The following CERS6 variants were observed in gnomAD, a reference collection of about 807,000 sequenced individuals.
CERS6 encodes the protein LAG1 homolog, ceramide synthase 6.
CERS6 carries 26 observed loss-of-function variants against 56.8 expected under a neutral mutation model. The ratio of observed to expected loss-of-function variants is 0.46; its 90% confidence interval spans 0.34 to 0.63. CERS6 has a LOEUF of 0.63. Among genes scored for constraint, CERS6 ranks in the 30% least tolerant of loss-of-function variants. CERS6 has a pLI of 0.01. For missense variants in CERS6, 415 were observed against 467.5 expected (o/e 0.89, Z 1.04); for synonymous variants, 164 against 173.3 (o/e 0.95, Z 0.42).
chr2:168,555,458 G>A (rs1468461412), intron 2 of CERS6, among the ~76,000 whole-genome samples: 1 of 151,930 alleles, frequency 6.6e-6, no homozygotes, highest in East Asian at 1.9e-4. Flanking sequence ...TAAGCAGAAG[G>A]AAGAAAGTAG....
At chr2:168,475,692 A>G (rs769877938) in intron 1 of CERS6, among the ~76,000 whole-genome samples, 1 of 152,220 alleles carries the variant, frequency 6.6e-6, no homozygotes, top group Non-Finnish European at 1.5e-5. Context: ...TACTAGAAGT[A>G]GCTAGTTTCT....
In CERS6 at chr2:168,468,759, T is replaced by C. The variant is rs560638154; in HGVS notation, c.170+12141T>C. Among the ~76,000 whole-genome samples, 3 of 152,306 alleles carry C rather than the reference T, an allele frequency of 2.0e-5. No individual in the cohort carries two copies. The South Asian group carries it at 6.2e-4, about 32-fold the overall frequency. On this transcript the variant is annotated intron_variant, in intron 1 of 9. Transcript: ENST00000305747. ...TTAGGGCTGTCTGTGTACAGAGTTT[T>C]ACTTTCCCTATTCTCTTTTCCCTTC...
Position 168,531,473 on chromosome 2 carries a change from G to T in CERS6, c.171-16123G>T, listed in dbSNP as rs541730112. Among the ~76,000 whole-genome samples the T allele has an allele frequency of 7.2e-5, 11 of 152,228 alleles. No homozygotes were observed. The South Asian group carries it at 2.3e-3, about 32-fold the overall frequency. On this transcript the variant is annotated intron_variant, in intron 1 of 9. Coordinates refer to ENST00000305747, the MANE Select transcript of CERS6 (RefSeq NM_203463.3). ...GACATAGTAAGCTGGAAGTTTTCTGGCTCTTTCACAAATCTGTGCATCTTA... is the reference window on the plus strand; with the variant it reads ...GACATAGTAAGCTGGAAGTTTTCTGTCTCTTTCACAAATCTGTGCATCTTA...
chr2:168,519,244 T>C (rs1322116973), intron 1 of CERS6, among the ~76,000 whole-genome samples: 1 of 152,224 alleles, frequency 6.6e-6, no homozygotes, highest in Non-Finnish European at 1.5e-5. Context: ...ATATCATAAA[T>C]TATATTGGTT....
intron 4 of CERS6, among the ~76,000 whole-genome samples, chr2:168,661,058 G>A (rs1200864446): frequency 6.6e-6 from 1 of 152,070 alleles, no homozygotes; most frequent in African/African-American, 2.4e-5. Flanking sequence ...AGGCGGGAGG[G>A]GGTGGGGCAG....
chr2:168,746,022 A>G (rs770484967), intron 8 of CERS6, among the ~76,000 whole-genome samples: 8 of 152,216 alleles, frequency 5.3e-5, no homozygotes, highest in Non-Finnish European at 1.0e-4. Flanking sequence ...ATGTAAACCC[A>G]GAAAGAGGGG....
chr2:168,508,378 G>A (rs1011323160), intron 1 of CERS6, among the ~76,000 whole-genome samples: 19 of 152,128 alleles, frequency 1.2e-4, no homozygotes, highest in African/African-American at 4.3e-4. Flanking sequence ...GCATCCTCAG[G>A]CCAACATATT....
chr2:168,553,131 A>G (rs1695607977), intron 2 of CERS6, among the ~76,000 whole-genome samples: 1 of 152,140 alleles, frequency 6.6e-6, no homozygotes, highest in Non-Finnish European at 1.5e-5. Context: ...GGCAGGAAAC[A>G]CTAGTCACTG....
intron 1 of CERS6, among the ~76,000 whole-genome samples, chr2:168,464,098 C>T (rs901934027): frequency 6.6e-6 from 1 of 150,986 alleles, no homozygotes; most frequent in African/African-American, 2.4e-5. Flanking sequence ...AATTGGTGGC[C>T]TTCAGGTTTT....
At chr2:168,690,178 G>T (rs1218129927) in intron 4 of CERS6, among the ~76,000 whole-genome samples, 1 of 152,076 alleles carries the variant, frequency 6.6e-6, no homozygotes, top group Non-Finnish European at 1.5e-5. Context: ...GAAGATGTTG[G>T]CAGATTAATC....
chr2:168,630,845 A>G, intron 3 of CERS6, 140 bp from the exon 4 acceptor site: 1 of 436,662 alleles, frequency 2.3e-6, no homozygotes, highest in East Asian at 3.5e-5. Flanking sequence ...TAGCACTGAA[A>G]TTGCTCATTA....
rs577397013 is a variant in CERS6 at position 168,606,281 on chromosome 2, T to A, written c.408-24704T>A. On this transcript the variant is annotated intron_variant, in intron 3 of 9. Coordinates refer to ENST00000305747, the MANE Select transcript of CERS6 (RefSeq NM_203463.3). ...GTTTCAGACTTGTATAGGGCCTGTA[T>A]CCCCTTTCTTTTGGCTAATTTCTCC... 3 of 152,332 alleles carry A rather than the reference T, an allele frequency of 2.0e-5. No individual in the cohort carries two copies. The East Asian group carries it at 5.8e-4, about 29-fold the overall frequency. 9.4% of individuals were successfully genotyped at this position (152,332 alleles called of 1,614,324 possible). A position where few individuals can be genotyped will look rare whatever the true frequency, so the allele number is the denominator to read the frequency against.
rs572438472 is a variant in CERS6 at position 168,740,327 on chromosome 2, G to A, written c.845+22349G>A. 1.1e-4 allele frequency among the ~76,000 whole-genome samples: 16 copies of A among 152,310 alleles called. No individual in the cohort carries two copies. In the South Asian group the frequency reaches 3.1e-3, roughly 30 times the overall value. On this transcript the variant is annotated intron_variant, in intron 8 of 9. Transcript: ENST00000305747. Reference sequence around the variant, plus strand: ...ATACATGCTATGTATTATCTTCAGAGTTAGAAAATATTAAGGCCATTCTAA... The same window carrying A: ...ATACATGCTATGTATTATCTTCAGAATTAGAAAATATTAAGGCCATTCTAA...
chr2:168,724,372 CGAAA>C, intron 8 of CERS6, among the ~76,000 whole-genome samples: 2 of 152,170 alleles, frequency 1.3e-5, no homozygotes, highest in Middle Eastern at 6.8e-3. Context: ...TTGCAAAGAG[CGAAA>C]GAACAAAGCT....
At chr2:168,507,858 T>C (rs1274325472) in intron 1 of CERS6, among the ~76,000 whole-genome samples, 2 of 152,240 alleles carry the variant, frequency 1.3e-5, no homozygotes, top group Non-Finnish European at 2.9e-5. Context: ...CTCATTCTCT[T>C]TCTTCTCTGG....
At chr2:168,764,921 G>A (rs538128466) in intron 8 of CERS6, among the ~76,000 whole-genome samples, 182 of 152,262 alleles carry the variant, frequency 1.2e-3, no homozygotes, top group Non-Finnish European at 1.8e-3. Context: ...TTGTGGACCC[G>A]TGTTCATAGT....
chr2:168,553,541 A>G (rs755597212), intron 2 of CERS6, among the ~76,000 whole-genome samples: 31 of 152,204 alleles, frequency 2.0e-4, no homozygotes, highest in Non-Finnish European at 4.1e-4. Context: ...AACATTTTCA[A>G]TATTCCCAAG....
chr2:168,603,466 T>C lies in CERS6; in HGVS notation c.408-27519T>C, dbSNP rs1189330769. Among the ~76,000 whole-genome samples, 3 of 152,298 alleles carry C rather than the reference T, an allele frequency of 2.0e-5. No individual in the cohort carries two copies. In the East Asian group the frequency reaches 5.8e-4, roughly 29 times the overall value. On this transcript the variant is annotated intron_variant, in intron 3 of 9. Transcript: ENST00000305747. ...CATCTGGGCATTGATTCTGAAACAATTGAAAAATCAAAGGATGATTTACCT... is the reference window on the plus strand; with the variant it reads ...CATCTGGGCATTGATTCTGAAACAACTGAAAAATCAAAGGATGATTTACCT...
intron 1 of CERS6, among the ~76,000 whole-genome samples, chr2:168,513,846 G>A (rs934260905): frequency 5.9e-5 from 9 of 152,066 alleles, no homozygotes; most frequent in East Asian, 1.9e-4. Flanking sequence ...AACTGGTTGC[G>A]AGGTGGAGCC....
Sources: allele counts gnomAD v4.1 joint callset (sites outside exome capture counted in the v4.1 genomes callset), GRCh38; gene constraint gnomAD v4.1.1; transcripts MANE v1.5; gene names NCBI Gene and HGNC (gene_info 2026-07-23, HGNC 2026-07-21).